Variants in CRTAM observed in about 807,000 individuals in gnomAD.
CRTAM encodes the protein cytotoxic and regulatory T cell molecule.
CRTAM carries 44 observed loss-of-function variants against 50.0 expected under a neutral mutation model. The observed-to-expected ratio is 0.88, with a 90% CI of 0.69 to 1.13. The LOEUF (loss-of-function observed/expected upper bound fraction) is 1.13. Ranked by LOEUF, CRTAM falls within the 50% of genes most tolerant of loss-of-function variation. The probability of loss-of-function intolerance (pLI) is 0.00; values close to 1 mark genes in which losing one functional copy is unlikely to be tolerated. For missense variants in CRTAM, 448 were observed against 457.5 expected (o/e 0.98, Z 0.19); for synonymous variants, 159 against 169.3 (o/e 0.94, Z 0.47).
intron 6 of CRTAM, 30 bp from the exon 7 acceptor site, chr11:122,864,606 T>C (rs553280870): frequency 6.7e-7 from 1 of 1,487,570 alleles, no homozygotes; most frequent in South Asian, 1.1e-5. Context: ...AATGCATGCA[T>C]AGCTCATGTT....
intron 5 of CRTAM, among the ~76,000 whole-genome samples, chr11:122,857,394 G>A (rs73602775): frequency 0.12 from 18,676 of 152,240 alleles, 1,296 homozygotes; most frequent in African/African-American, 0.17. Flanking sequence ...GCTTGAACCC[G>A]AGAGGCGGAG....
intron 1 of CRTAM, among the ~76,000 whole-genome samples, chr11:122,843,698 C>T (rs1475741657): frequency 6.6e-6 from 1 of 152,174 alleles, no homozygotes; most frequent in Non-Finnish European, 1.5e-5. Context: ...GAAAGTCTGA[C>T]TCCAAACTTA....
chr11:122,847,062 T>C (rs1159315000), intron 1 of CRTAM, among the ~76,000 whole-genome samples: 1 of 152,248 alleles, frequency 6.6e-6, no homozygotes, highest in African/African-American at 2.4e-5. Flanking sequence ...AAGAATGTCA[T>C]GCTTACTATG....
At chr11:122,850,341 T>G (rs1003863954) in intron 2 of CRTAM, 127 bp downstream of exon 2, 1 of 863,696 alleles carries the variant, frequency 1.2e-6, no homozygotes. Flanking sequence ...CACCTACTGT[T>G]ACACATGAAT....
At chr11:122,860,346 G>C (rs999962072) in intron 5 of CRTAM, among the ~76,000 whole-genome samples, 5 of 151,988 alleles carry the variant, frequency 3.3e-5, no homozygotes, top group African/African-American at 1.2e-4. Context: ...CACTGCACCT[G>C]GCCTAAATTT....
chr11:122,849,551 G>A (rs1218121229), intron 1 of CRTAM, among the ~76,000 whole-genome samples: 4 of 152,028 alleles, frequency 2.6e-5, no homozygotes, highest in Admixed American at 1.3e-4. Flanking sequence ...GTAAAACCAC[G>A]TCTCTACTAA....
At chr11:122,862,630 AT>A in intron 6 of CRTAM, 86 bp downstream of exon 6, 1 of 919,920 alleles carries the variant, frequency 1.1e-6, no homozygotes, top group Non-Finnish European at 1.7e-6. Flanking sequence ...TTTTAAGAAT[AT>A]TTTTTGTTTT....
At position 122,864,728 on chromosome 11, in the gene CRTAM, CA is replaced by C; in HGVS notation, c.817+10del. On this transcript the variant is annotated intron_variant, in intron 7 of 9. Coordinates refer to ENST00000227348, the MANE Select transcript of CRTAM (RefSeq NM_019604.4). ...TCCTGACTTGACCACCGGTAAGTGT[CA>C]CCCACTGCATTTAGAATAAACACTC... is the stretch of plus-strand genomic sequence containing the variant. 1 of 1,588,912 alleles carries C rather than the reference CA, an allele frequency of 6.3e-7. No homozygotes were observed. Among genetic ancestry groups the C allele is most frequent in the African/African-American group, 1.3e-5 (1 of 74,504 alleles).
chr11:122,854,288 G>A (rs1303129530), intron 4 of CRTAM, among the ~76,000 whole-genome samples: 2 of 152,150 alleles, frequency 1.3e-5, no homozygotes, highest in Admixed American at 6.5e-5. Flanking sequence ...TATTGAAAAT[G>A]TTTTTGTTTA....
chr11:122,857,394 G>T (rs73602775), intron 5 of CRTAM, among the ~76,000 whole-genome samples: 1 of 152,150 alleles, frequency 6.6e-6, no homozygotes, highest in African/African-American at 2.4e-5. Flanking sequence ...GCTTGAACCC[G>T]AGAGGCGGAG....
At chr11:122,854,435 G>A (rs1009112717) in intron 4 of CRTAM, among the ~76,000 whole-genome samples, 2 of 152,128 alleles carry the variant, frequency 1.3e-5, no homozygotes, top group South Asian at 4.1e-4. Context: ...CACTTTGGGA[G>A]GCCAAGGTGG....
intron 6 of CRTAM, 70 bp downstream of exon 6, chr11:122,862,614 T>C: frequency 9.9e-7 from 1 of 1,014,322 alleles, no homozygotes. Context: ...TTTTTCTCAT[T>C]CTAAGTTTTA....
At chr11:122,863,317 AAGAAAAAGAAAG>A (rs1443139704) in intron 6 of CRTAM, among the ~76,000 whole-genome samples, 5 of 107,846 alleles carry the variant, frequency 4.6e-5, no homozygotes, top group African/African-American at 1.4e-4. Flanking sequence ...AAAAGAAAGA[AAGAAAAAGAAAG>A]AAAGAAAGAA....
chr11:122,862,392 C>A (rs750823922), intron 5 of CRTAM, 72 bp from the exon 6 acceptor site: 4 of 943,880 alleles, frequency 4.2e-6, no homozygotes, highest in Non-Finnish European at 7.0e-6. Flanking sequence ...ATTCTCCAAT[C>A]TCTTTTACTG....
intron 1 of CRTAM, 46 bp from the exon 2 acceptor site, chr11:122,850,022 A>G (rs1861910035): frequency 6.7e-7 from 1 of 1,495,276 alleles, no homozygotes; most frequent in Admixed American, 2.1e-5. Flanking sequence ...TCCCTGAGAC[A>G]CTGTGGACCC....
Position 122,838,570 on chromosome 11 carries a change from G to A in CRTAM, c.24G>A (p.Leu8=), listed in dbSNP as rs755744987. 6.2e-7 allele frequency: 1 copy of A among 1,614,196 alleles called. No individual in the cohort carries two copies. Among genetic ancestry groups the A allele is most frequent in the Non-Finnish European group, 8.5e-7 (1 of 1,180,024 alleles). The change falls in exon 1 of 10, where the codon TTG becomes TTA. Residue 8 remains leucine, a synonymous_variant. Coordinates refer to ENST00000227348, the MANE Select transcript of CRTAM (RefSeq NM_019604.4). MWWRVLS[L]LAWFPLQEAS... ...GTATGTGGTGGAGAGTTCTCAGCTT[G>A]CTGGCATGGTTCCCCTTGCAAGGTA...
At chr11:122,868,431 G>C (rs1448284292) in intron 9 of CRTAM, among the ~76,000 whole-genome samples, 1 of 152,040 alleles carries the variant, frequency 6.6e-6, no homozygotes, top group Admixed American at 6.6e-5. Flanking sequence ...GAGTTCTGCT[G>C]CCAGGAGAGA....
chr11:122,840,024 C>T lies in CRTAM; in HGVS notation c.46+1432C>T, dbSNP rs564126111. Among the ~76,000 whole-genome samples the T allele has an allele frequency of 1.1e-3, 165 of 152,272 alleles. 5 individuals carry two copies. In the South Asian group the frequency reaches 0.032, roughly 30 times the overall value. ...TACATTCAAAAAGAGTACATTTAGACAGCTAAAATTAGGATGATTTCAATT... is the reference window on the plus strand; with the variant it reads ...TACATTCAAAAAGAGTACATTTAGATAGCTAAAATTAGGATGATTTCAATT... On this transcript the variant is annotated intron_variant, in intron 1 of 9. Transcript: ENST00000227348.
At chr11:122,846,149 T>C (rs1861860402) in intron 1 of CRTAM, among the ~76,000 whole-genome samples, 1 of 152,112 alleles carries the variant, frequency 6.6e-6, no homozygotes, top group Non-Finnish European at 1.5e-5. Context: ...ACCCACTCCA[T>C]TCACAGCAAT....
Sources: allele counts gnomAD v4.1 joint callset (sites outside exome capture counted in the v4.1 genomes callset), GRCh38; gene constraint gnomAD v4.1.1; transcripts MANE v1.5; gene names NCBI Gene and HGNC (gene_info 2026-07-23, HGNC 2026-07-21).